MGAT4C: variants seen among roughly 807,000 people sequenced by gnomAD.
MGAT4C encodes the protein alpha-1,3-mannosyl-glycoprotein 4-beta-N-acetylglucosaminyltransferase C.
Under a neutral mutation model 40.1 loss-of-function variants are expected in MGAT4C, and 19 were observed. The ratio of observed to expected loss-of-function variants is 0.47; its 90% CI spans 0.33 to 0.70. The LOEUF (loss-of-function observed/expected upper bound fraction) is 0.70, where lower values mean the gene tolerates loss of function less well. Among genes scored for constraint, MGAT4C ranks in the 30% least tolerant of loss-of-function variants. MGAT4C has a pLI of 0.02. For synonymous variants in MGAT4C, 181 were observed against 187.1 expected, an observed-to-expected ratio of 0.97 and a Z score of 0.27; for missense variants, 491 against 563.2, an observed-to-expected ratio of 0.87 and a Z score of 1.30.
At chr12:86,193,252 A>G (rs1889726999) in intron 1 of MGAT4C, among the ~76,000 whole-genome samples, 1 of 151,632 alleles carries the variant, frequency 6.6e-6, no homozygotes, top group South Asian at 2.1e-4. Context: ...TATTTTTACA[A>G]TATTTTGCCT....
At chr12:86,564,116 T>A (rs370584778) in intron 2 of MGAT4C, among the ~76,000 whole-genome samples, 12 of 152,122 alleles carry the variant, frequency 7.9e-5, no homozygotes, top group Non-Finnish European at 1.3e-4. Context: ...TCCCGCCATA[T>A]CCCCATTCAA....
At chr12:86,149,020 C>T (rs1012191419) in intron 1 of MGAT4C, among the ~76,000 whole-genome samples, 1 of 152,046 alleles carries the variant, frequency 6.6e-6, no homozygotes, top group African/African-American at 2.4e-5. Flanking sequence ...GGAGGGTCTA[C>T]AAAACATGAC....
intron 2 of MGAT4C, among the ~76,000 whole-genome samples, chr12:86,446,351 T>C (rs987448962): frequency 6.6e-6 from 1 of 151,968 alleles, no homozygotes. Context: ...TGGTAAAGTA[T>C]ATAATGCACT....
At chr12:86,611,403 G>C (rs985812223) in intron 2 of MGAT4C, among the ~76,000 whole-genome samples, 1 of 151,042 alleles carries the variant, frequency 6.6e-6, no homozygotes, top group African/African-American at 2.4e-5. Context: ...TAGGTAGGTA[G>C]GTAGGTAGGT....
intron 1 of MGAT4C, among the ~76,000 whole-genome samples, chr12:86,816,864 T>G (rs1952617245): frequency 6.6e-6 from 1 of 151,498 alleles, no homozygotes; most frequent in Admixed American, 6.6e-5. Context: ...TTTAATTATT[T>G]TATTGTTTCT....
chr12:86,173,012 T>C (rs988087215), intron 1 of MGAT4C, among the ~76,000 whole-genome samples: 1 of 152,138 alleles, frequency 6.6e-6, no homozygotes, highest in Non-Finnish European at 1.5e-5. Flanking sequence ...CAATTTTGAA[T>C]ATGAAACTGT....
intron 2 of MGAT4C, among the ~76,000 whole-genome samples, chr12:86,591,809 C>T (rs1961342661): frequency 6.6e-6 from 1 of 151,594 alleles, no homozygotes; most frequent in Non-Finnish European, 1.5e-5. Context: ...TTCAAAGAAT[C>T]ATCTCATTTT....
At chr12:86,408,303 A>C (rs1057094294) in intron 3 of MGAT4C, among the ~76,000 whole-genome samples, 1 of 151,904 alleles carries the variant, frequency 6.6e-6, no homozygotes, top group Non-Finnish European at 1.5e-5. Context: ...GATTGAAATC[A>C]GCTATTTTCT....
chr12:86,210,860 G>A (rs1420286088), intron 1 of MGAT4C, among the ~76,000 whole-genome samples: 1 of 152,072 alleles, frequency 6.6e-6, no homozygotes, highest in Non-Finnish European at 1.5e-5. Flanking sequence ...TTGACAGATA[G>A]TTGATAACAG....
intron 1 of MGAT4C, among the ~76,000 whole-genome samples, chr12:86,139,086 T>C (rs1882457585): frequency 6.6e-6 from 1 of 152,182 alleles, no homozygotes; most frequent in South Asian, 2.1e-4. Flanking sequence ...ATTAACTATA[T>C]TTCTACTGAA....
intron 2 of MGAT4C, among the ~76,000 whole-genome samples, chr12:86,704,254 C>T (rs775235080): frequency 6.9e-4 from 105 of 152,064 alleles, no homozygotes; most frequent in South Asian, 1.7e-3. Context: ...AAAGTTACTC[C>T]TAATTTAAGC....
chr12:86,181,950 C>T (rs1321624831), intron 1 of MGAT4C, among the ~76,000 whole-genome samples: 1 of 151,826 alleles, frequency 6.6e-6, no homozygotes, highest in Non-Finnish European at 1.5e-5. Flanking sequence ...AGATCATTTC[C>T]TCTATAGTTT....
At chr12:86,719,485 C>A (rs1950703504) in intron 2 of MGAT4C, among the ~76,000 whole-genome samples, 1 of 152,138 alleles carries the variant, frequency 6.6e-6, no homozygotes. Flanking sequence ...AGATGGGAGG[C>A]AATCAGAGTC....
chr12:86,741,148 T>C (rs1951062341), intron 1 of MGAT4C, among the ~76,000 whole-genome samples: 1 of 150,990 alleles, frequency 6.6e-6, no homozygotes, highest in South Asian at 2.1e-4. Flanking sequence ...ATGTTCTCCA[T>C]ACCCAAAAGA....
intron 2 of MGAT4C, among the ~76,000 whole-genome samples, chr12:86,049,389 G>A (rs1362765287): frequency 6.6e-6 from 1 of 151,712 alleles, no homozygotes; most frequent in East Asian, 1.9e-4. Flanking sequence ...AGAATGTTTT[G>A]CTGTTGTTCT....
rs1026356289 is a variant in MGAT4C at position 86,235,829 on chromosome 12, T to C, written c.-57+20410A>G. Among the ~76,000 whole-genome samples, 28 of 152,184 alleles carry C rather than the reference T, an allele frequency of 1.8e-4. 1 individual carries two copies. The highest frequency in any genetic ancestry group is 3.2e-4 in the Non-Finnish European group (22 of 67,950). On this transcript the variant is annotated intron_variant, in intron 1 of 4. Coordinates refer to ENST00000611864, the MANE Select transcript of MGAT4C (RefSeq NM_001351288.2). The stretch of plus-strand genomic sequence containing the variant: ...GAAGGCCAGTACTGAGTCTTACTTA[T>C]TGTTATTGTCCTTAGAGTTTAGCAT...
intron 1 of MGAT4C, among the ~76,000 whole-genome samples, chr12:86,149,909 T>G (rs1328569785): frequency 2.6e-5 from 4 of 152,178 alleles, no homozygotes; most frequent in Non-Finnish European, 5.9e-5. Flanking sequence ...AAACTCAAAT[T>G]TCTTTCTTGA....
rs183823037 is a variant in MGAT4C at position 86,668,142 on chromosome 12, T to A, written c.-229+59067A>T. Among the ~76,000 whole-genome samples the A allele has an allele frequency of 1.3e-3, 199 of 152,340 alleles. 1 individual carries two copies. The highest frequency in any genetic ancestry group is 6.8e-3 in the Middle Eastern group (2 of 292). The stretch of plus-strand genomic sequence containing the variant: ...GTACTATTATAAAGCTATCTTAATT[T>A]TGTTCCCAAGATGGCATATTAGGGG... On this transcript the variant is annotated intron_variant, in intron 2 of 7. Transcript: ENST00000548651.
intron 2 of MGAT4C, among the ~76,000 whole-genome samples, chr12:86,010,174 C>T (rs1888313936): frequency 6.6e-6 from 1 of 152,140 alleles, no homozygotes; most frequent in South Asian, 2.1e-4. Flanking sequence ...TGTATATCTA[C>T]ACCATATAGA....
Sources: allele counts gnomAD v4.1 joint callset (sites outside exome capture counted in the v4.1 genomes callset), GRCh38; gene constraint gnomAD v4.1.1; transcripts MANE v1.5; gene names NCBI Gene and HGNC (gene_info 2026-07-23, HGNC 2026-07-21).